Variants in LRRC72 observed in about 807,000 individuals in gnomAD.
The protein encoded by LRRC72 is leucine-rich repeat-containing protein 72.
LRRC72 carries 41 observed loss-of-function variants against 35.8 expected under a neutral mutation model. The ratio of observed to expected loss-of-function variants is 1.15; its 90% CI spans 0.89 to 1.49. The LOEUF is 1.49. Ranked by LOEUF, LRRC72 falls within the 40% of genes most tolerant of loss-of-function variation. The probability of loss-of-function intolerance (pLI) is 0.00; values close to 1 mark genes in which losing one functional copy is unlikely to be tolerated. For synonymous variants in LRRC72, 118 were observed against 119.2 expected (o/e 0.99, Z 0.07); for missense variants, 389 against 330.7 (o/e 1.18, Z -1.37).
At chr7:16,579,384 T>C (rs890701271) in intron 7 of LRRC72, among the ~76,000 whole-genome samples, 9 of 152,184 alleles carry the variant, frequency 5.9e-5, no homozygotes, top group Non-Finnish European at 1.3e-4. Flanking sequence ...AGAGGCTTTG[T>C]GGTCGCTGCT....
At chr7:16,570,325 T>A (rs1159547326) in intron 7 of LRRC72, among the ~76,000 whole-genome samples, 1 of 152,200 alleles carries the variant, frequency 6.6e-6, no homozygotes, top group East Asian at 1.9e-4. Context: ...ACAGGTCTTA[T>A]CAGACATGCA....
chr7:16,564,808 ATT>A (rs11442050), intron 5 of LRRC72, among the ~76,000 whole-genome samples: 4 of 148,682 alleles, frequency 2.7e-5, no homozygotes, highest in African/African-American at 9.9e-5. Flanking sequence ...CAGATGATTG[ATT>A]TTTTTTTTTT....
At position 16,538,031 on chromosome 7, in the gene LRRC72, C is replaced by T. The variant is rs185027469; in HGVS notation, c.234+335C>T. Among the ~76,000 whole-genome samples, 43 of 152,300 alleles carry T rather than the reference C, an allele frequency of 2.8e-4. No homozygotes were observed. The East Asian group carries it at 7.7e-3, about 27-fold the overall frequency. On this transcript the variant is annotated intron_variant, in intron 3 of 8. Coordinates refer to ENST00000401542, the MANE Select transcript of LRRC72 (RefSeq NM_001195280.2). Reference sequence around the variant, plus strand: ...ACCTGGGCAGCCCCATAACCTTTTTCATCTCTCTTAGGTAATACAAAATCT... The same window carrying T: ...ACCTGGGCAGCCCCATAACCTTTTTTATCTCTCTTAGGTAATACAAAATCT...
At chr7:16,579,922 G>A (rs1458137573) in intron 7 of LRRC72, among the ~76,000 whole-genome samples, 152 bp from the exon 8 acceptor site, 1 of 152,122 alleles carries the variant, frequency 6.6e-6, no homozygotes, top group African/African-American at 2.4e-5. Context: ...TAGATAAAAA[G>A]GCATTTTTGA....
rs868305294 is a variant in LRRC72, at chr7:16,535,767, T to C, written c.165-1860T>C. 4.6e-5 allele frequency among the ~76,000 whole-genome samples: 7 copies of C among 152,376 alleles called. No individual in the cohort carries two copies. The South Asian group carries it at 1.2e-3, about 27-fold the overall frequency. On this transcript the variant is annotated intron_variant, in intron 2 of 8. Transcript: ENST00000401542. ...CCATGTAATTGAGAAGTAGACGTGATCTTCCTTGCATTTGATCAATAGGAA... is the reference window on the plus strand; with the variant it reads ...CCATGTAATTGAGAAGTAGACGTGACCTTCCTTGCATTTGATCAATAGGAA...
chr7:16,537,874 A>G (rs1424677295), intron 3 of LRRC72, among the ~76,000 whole-genome samples, 178 bp downstream of exon 3: 1 of 152,190 alleles, frequency 6.6e-6, no homozygotes, highest in South Asian at 2.1e-4. Context: ...ATACATACAC[A>G]TATACACACA....
intron 1 of LRRC72, 62 bp downstream of exon 1, chr7:16,527,104 C>A: frequency 7.3e-7 from 1 of 1,368,230 alleles, no homozygotes; most frequent in Non-Finnish European, 1.0e-6. Flanking sequence ...AGGGCCCCAC[C>A]TCCTGCCTGA....
At chr7:16,528,257 A>G (rs1782106564) in intron 1 of LRRC72, among the ~76,000 whole-genome samples, 1 of 151,918 alleles carries the variant, frequency 6.6e-6, no homozygotes, top group Admixed American at 6.6e-5. Context: ...CTCCATGTAG[A>G]CACTTCATCG....
chr7:16,546,021 A>G lies in LRRC72; in HGVS notation c.234+8325A>G, dbSNP rs185669440. 2.6e-4 allele frequency among the ~76,000 whole-genome samples: 39 copies of G among 152,034 alleles called. No homozygotes were observed. In the East Asian group the frequency reaches 7.3e-3, roughly 29 times the overall value. On this transcript the variant is annotated intron_variant, in intron 3 of 8. Coordinates refer to ENST00000401542, the MANE Select transcript of LRRC72 (RefSeq NM_001195280.2). ...TATTATATTTTAAACTAAGATAGAAATGAATGCATTGTTTTAATTTATTGG... is the reference window on the plus strand; with the variant it reads ...TATTATATTTTAAACTAAGATAGAAGTGAATGCATTGTTTTAATTTATTGG...
At chr7:16,531,004 C>T (rs1446047133) in intron 1 of LRRC72, among the ~76,000 whole-genome samples, 1 of 151,970 alleles carries the variant, frequency 6.6e-6, no homozygotes, top group Non-Finnish European at 1.5e-5. Context: ...TGAGACCAGC[C>T]TGGCCAACAT....
intron 7 of LRRC72, among the ~76,000 whole-genome samples, chr7:16,574,326 T>C (rs927118405): frequency 6.6e-6 from 1 of 152,290 alleles, no homozygotes; most frequent in East Asian, 1.9e-4. Context: ...TATAAATCAT[T>C]CTACTATAAA....
intron 7 of LRRC72, among the ~76,000 whole-genome samples, chr7:16,575,151 G>A (rs1446085715): frequency 4.0e-5 from 6 of 151,582 alleles, no homozygotes; most frequent in African/African-American, 1.2e-4. Flanking sequence ...AGGGAGGGAG[G>A]GAGCAGGCTG....
chr7:16,571,016 G>A (rs956054205), intron 7 of LRRC72, among the ~76,000 whole-genome samples: 1 of 151,308 alleles, frequency 6.6e-6, no homozygotes, highest in Non-Finnish European at 1.5e-5. Flanking sequence ...AAGAGAACAG[G>A]CCAGTTATAC....
intron 3 of LRRC72, among the ~76,000 whole-genome samples, chr7:16,551,728 A>G (rs78551630): frequency 6.6e-6 from 1 of 151,996 alleles, no homozygotes; most frequent in Non-Finnish European, 1.5e-5. Flanking sequence ...ACCTTGCCCT[A>G]TGCAGCTCTT....
intron 5 of LRRC72, among the ~76,000 whole-genome samples, chr7:16,565,152 A>G (rs1782806857): frequency 6.6e-6 from 1 of 152,214 alleles, no homozygotes; most frequent in Admixed American, 6.5e-5. Context: ...CCGAATAACT[A>G]AAGATTACTG....
chr7:16,571,222 C>A (rs1206233061), intron 7 of LRRC72, among the ~76,000 whole-genome samples: 1 of 152,082 alleles, frequency 6.6e-6, no homozygotes, highest in Non-Finnish European at 1.5e-5. Context: ...CTGAATGACC[C>A]TTCCTCTTGG....
chr7:16,553,930 CAA>C (rs1172481891), intron 3 of LRRC72, among the ~76,000 whole-genome samples: 2 of 152,120 alleles, frequency 1.3e-5, no homozygotes, highest in Admixed American at 6.5e-5. Flanking sequence ...TGTTATGCTC[CAA>C]GCCTAAGCTA....
chr7:16,580,106 G>C lies in LRRC72; in HGVS notation c.698+5G>C. On this transcript the variant is annotated splice_donor_5th_base_variant and intron_variant, in intron 8 of 8. Transcript: ENST00000401542. ...ATTTGCAAATAATGTAGACAAGTAA[G>C]TAATTTTATCTATACATTTATTATC... The C allele has an allele frequency of 2.6e-6, 1 of 390,754 alleles. No individual in the cohort carries two copies. The highest frequency in any genetic ancestry group is 4.6e-6 in the Non-Finnish European group (1 of 217,778). The allele number at this position is 390,754 out of a possible 1,614,324, so 24.2% of individuals were successfully genotyped here.
intron 5 of LRRC72, among the ~76,000 whole-genome samples, chr7:16,560,925 T>G (rs6972041): frequency 0.03 from 4,523 of 152,240 alleles, 219 homozygotes; most frequent in African/African-American, 0.1. Flanking sequence ...TTTATTATAG[T>G]CGCATTTAAA....
Sources: gnomAD v4.1 joint callset for allele counts (sites outside exome capture counted in the v4.1 genomes callset) on GRCh38, gnomAD v4.1.1 for gene constraint, MANE v1.5 for transcripts, NCBI Gene and HGNC (gene_info 2026-07-23, HGNC 2026-07-21) for gene names.